WIF1: variants seen among roughly 807,000 people sequenced by gnomAD.
WIF1 encodes Wnt inhibitory factor 1.
A neutral mutation model predicts 53.5 loss-of-function variants in WIF1; 35 were observed. That is an observed-to-expected ratio of 0.65 (90% CI 0.50 to 0.87). The LOEUF (loss-of-function observed/expected upper bound fraction) is 0.87. WIF1 is among the 40% of genes least tolerant of loss of function. WIF1 has a pLI of 0.00. For missense variants in WIF1, 467 were observed against 476.8 expected, an observed-to-expected ratio of 0.98 and a Z score of 0.19; for synonymous variants, 171 against 170.4, an observed-to-expected ratio of 1.00 and a Z score of -0.03.
intron 7 of WIF1, among the ~76,000 whole-genome samples, chr12:65,058,387 A>C (rs1254162355): frequency 6.6e-6 from 1 of 152,196 alleles, no homozygotes; most frequent in African/African-American, 2.4e-5. Context: ...GAAGTTGGTA[A>C]CTGGGATAAT....
At chr12:65,094,082 CAT>C (rs901526113) in intron 2 of WIF1, among the ~76,000 whole-genome samples, 2 of 152,208 alleles carry the variant, frequency 1.3e-5, no homozygotes, top group African/African-American at 4.8e-5. Flanking sequence ...CTTCCCCAAA[CAT>C]AGCCGCTGAA....
At chr12:65,060,484 T>C (rs912103262) in intron 7 of WIF1, among the ~76,000 whole-genome samples, 1 of 152,078 alleles carries the variant, frequency 6.6e-6, no homozygotes, top group Admixed American at 6.5e-5. Flanking sequence ...TTATGTGAAA[T>C]GTTAAGAATA....
chr12:65,113,131 C>T (rs1356550032), intron 2 of WIF1, among the ~76,000 whole-genome samples: 1 of 152,188 alleles, frequency 6.6e-6, no homozygotes, highest in East Asian at 1.9e-4. Context: ...AACAACTTGC[C>T]ATCCACCAAG....
In WIF1 at chr12:65,068,871, T is replaced by C; in HGVS notation, c.431A>G (p.Gln144Arg). ...VQVGFPCLGKQDGVAAFEVDV... is the reference protein window; with the variant it reads ...VQVGFPCLGKRDGVAAFEVDV... The stretch of plus-strand genomic sequence containing the variant: ...CACTTCAAATGCTGCCACCCCATCC[T>C]GTTTTCCAAGACATGGGAAACCAAC... The change falls in exon 4 of 10, where the codon CAG (glutamine) becomes CGG (arginine). Residue 144 changes from glutamine to arginine, a missense_variant. Physicochemically the swap from Gln to Arg is conservative, Grantham distance 43. Transcript: ENST00000286574. 2.5e-6 allele frequency: 4 copies of C among 1,613,582 alleles called. No homozygotes were observed. The highest frequency in any genetic ancestry group is 3.4e-6 in the Non-Finnish European group (4 of 1,179,666).
chr12:65,085,972 C>T (rs1224856534), intron 2 of WIF1, among the ~76,000 whole-genome samples: 1 of 152,162 alleles, frequency 6.6e-6, no homozygotes, highest in Non-Finnish European at 1.5e-5. Context: ...TGGCTAGTCA[C>T]TCTCTTTCAA....
intron 3 of WIF1, among the ~76,000 whole-genome samples, chr12:65,074,053 C>T (rs576769356): frequency 2.1e-4 from 32 of 152,116 alleles, no homozygotes; most frequent in African/African-American, 5.5e-4. Flanking sequence ...TTATAAAGAA[C>T]GTAAATTATT....
In WIF1 at chr12:65,055,103, A is replaced by G. The variant is rs778710431; in HGVS notation, c.1018+15T>C. 2 of 1,609,222 alleles carry G rather than the reference A, an allele frequency of 1.2e-6. No individual in the cohort carries two copies. Among genetic ancestry groups the G allele is most frequent in the Non-Finnish European group, 1.7e-6 (2 of 1,178,654 alleles). ...TTTTTTTCCTTGTTTACAACTTTTT[A>G]TTTCTCCCACTCACTTTTATTGCAG... On this transcript the variant is annotated intron_variant, in intron 9 of 9. Coordinates refer to ENST00000286574, the MANE Select transcript of WIF1 (RefSeq NM_007191.5).
At chr12:65,089,414 C>T (rs1883090565) in intron 2 of WIF1, among the ~76,000 whole-genome samples, 1 of 152,126 alleles carries the variant, frequency 6.6e-6, no homozygotes. Flanking sequence ...TCCCTGGTAA[C>T]TCATGCGCTC....
chr12:65,059,747 G>T (rs898238755), intron 7 of WIF1, among the ~76,000 whole-genome samples: 2 of 152,022 alleles, frequency 1.3e-5, no homozygotes, highest in Admixed American at 6.6e-5. Flanking sequence ...TGTCTCCAGG[G>T]TTCAAGCAAT....
At chr12:65,077,138 T>C (rs1430307598) in intron 3 of WIF1, among the ~76,000 whole-genome samples, 1 of 152,206 alleles carries the variant, frequency 6.6e-6, no homozygotes, top group Non-Finnish European at 1.5e-5. Flanking sequence ...GAAAATGAGC[T>C]GCAATTCTGG....
At chr12:65,060,531 C>A (rs11175636) in intron 7 of WIF1, among the ~76,000 whole-genome samples, 9,313 of 152,016 alleles carry the variant, frequency 0.061, 753 homozygotes, top group African/African-American at 0.19. Flanking sequence ...TAGTGGTTGC[C>A]AGTGTCTGGA....
chr12:65,058,509 G>T (rs766203723), intron 7 of WIF1, among the ~76,000 whole-genome samples: 2 of 152,114 alleles, frequency 1.3e-5, no homozygotes, highest in Non-Finnish European at 2.9e-5. Flanking sequence ...GAAGGAGGAC[G>T]TTCTCTCCTG....
chr12:65,052,893 GC>G lies in WIF1; in HGVS notation c.1019-1424del, dbSNP rs574345561. On this transcript the variant is annotated intron_variant, in intron 9 of 9. Coordinates refer to ENST00000286574, the MANE Select transcript of WIF1 (RefSeq NM_007191.5). ...GGCTGGGTGCATCAGAAGTAACAGT[GC>G]CCTTGTGCTCCCCTCTTCATCACTT... Among the ~76,000 whole-genome samples, 10 of 152,190 alleles carry G rather than the reference GC, an allele frequency of 6.6e-5. No homozygotes were observed. The South Asian group carries it at 2.1e-3, about 32-fold the overall frequency.
chr12:65,068,237 G>C (rs1345375665), intron 4 of WIF1, among the ~76,000 whole-genome samples: 1 of 152,148 alleles, frequency 6.6e-6, no homozygotes, highest in Non-Finnish European at 1.5e-5. Flanking sequence ...GGCCTTTATA[G>C]TTAAATGGGC....
intron 6 of WIF1, among the ~76,000 whole-genome samples, chr12:65,064,508 A>T (rs566877555): frequency 2.0e-5 from 3 of 152,164 alleles, no homozygotes; most frequent in Non-Finnish European, 2.9e-5. Context: ...GTCTATTTCC[A>T]TAGTAGTAAT....
intron 3 of WIF1, among the ~76,000 whole-genome samples, chr12:65,073,044 C>T (rs1882808189): frequency 2.0e-5 from 3 of 152,128 alleles, no homozygotes; most frequent in Non-Finnish European, 4.4e-5. Flanking sequence ...CATACTGCTC[C>T]CACACACAGA....
intron 8 of WIF1, 107 bp downstream of exon 8, chr12:65,055,924 C>T (rs748662904): frequency 4.2e-6 from 4 of 948,514 alleles, no homozygotes; most frequent in Non-Finnish European, 6.3e-6. Context: ...GAAAGGTTAA[C>T]TGTGATGCCC....
At position 65,091,654 on chromosome 12, in the gene WIF1, T is replaced by C. The variant is rs968018655; in HGVS notation, c.289-13800A>G. On this transcript the variant is annotated intron_variant, in intron 2 of 9. Coordinates refer to ENST00000286574, the MANE Select transcript of WIF1 (RefSeq NM_007191.5). ...TTTATATTTCCAAAAGCAAGTTTGA[T>C]TTTCATAGGTCTTGCCTTTTACCCC... Among the ~76,000 whole-genome samples, 24 of 152,278 alleles carry C rather than the reference T, an allele frequency of 1.6e-4. 1 individual carries two copies. The highest frequency in any genetic ancestry group is 5.8e-4 in the African/African-American group (24 of 41,564).
Position 65,094,473 on chromosome 12 carries a change from A to G in WIF1, c.289-16619T>C, listed in dbSNP as rs144999032. Among the ~76,000 whole-genome samples, 568 of 152,292 alleles carry G rather than the reference A, an allele frequency of 3.7e-3. 3 individuals are homozygous for G. Among genetic ancestry groups the G allele is most frequent in the African/African-American group, 0.013 (533 of 41,566 alleles). ...GGTTTATATTTGTTTCCTCTTTCTC[A>G]TTAAATGAAATTGCATTATTAGCAA... On this transcript the variant is annotated intron_variant, in intron 2 of 9. Transcript: ENST00000286574.
Sources: allele counts gnomAD v4.1 joint callset (sites outside exome capture counted in the v4.1 genomes callset), GRCh38; gene constraint gnomAD v4.1.1; transcripts MANE v1.5; gene names NCBI Gene and HGNC (gene_info 2026-07-23, HGNC 2026-07-21).